Variants in EBF1 observed in about 807,000 individuals in gnomAD.
The protein encoded by EBF1 is EBF transcription factor 1, also known as transcription factor COE1.
Under a neutral mutation model 68.4 loss-of-function variants are expected in EBF1, and 10 were observed. The observed-to-expected ratio is 0.15, with a 90% confidence interval of 0.09 to 0.25. EBF1 has a LOEUF of 0.25. Ranked by LOEUF, EBF1 falls within the 10% of genes least tolerant of loss-of-function variation. The pLI is 1.00. For missense variants in EBF1, 509 were observed against 794.4 expected, an observed-to-expected ratio of 0.64 and a Z score of 4.32; for synonymous variants, 298 against 299.8, an observed-to-expected ratio of 0.99 and a Z score of 0.06.
chr5:159,052,304 C>T (rs1311387119), intron 6 of EBF1, among the ~76,000 whole-genome samples: 1 of 147,350 alleles, frequency 6.8e-6, no homozygotes, highest in East Asian at 2.1e-4. Flanking sequence ...AAACACTACA[C>T]GTGAAAACTA....
At chr5:158,926,759 AG>A (rs1360051507) in intron 6 of EBF1, among the ~76,000 whole-genome samples, 1 of 151,992 alleles carries the variant, frequency 6.6e-6, no homozygotes, top group Non-Finnish European at 1.5e-5. Context: ...AAAAAGAAAA[AG>A]AAAGAAAGAA....
At chr5:158,990,058 C>A (rs915103607) in intron 6 of EBF1, among the ~76,000 whole-genome samples, 2 of 152,166 alleles carry the variant, frequency 1.3e-5, no homozygotes, top group African/African-American at 4.8e-5. Flanking sequence ...AGAGACGGAT[C>A]AGGAAGCTTC....
chr5:158,918,380 A>G (rs981822470), intron 6 of EBF1, among the ~76,000 whole-genome samples: 1 of 152,204 alleles, frequency 6.6e-6, no homozygotes, highest in Non-Finnish European at 1.5e-5. Flanking sequence ...ACCCAACTTT[A>G]TAGAAACAGA....
intron 6 of EBF1, among the ~76,000 whole-genome samples, chr5:158,880,664 G>C (rs1036150265): frequency 6.6e-6 from 1 of 152,196 alleles, no homozygotes; most frequent in Non-Finnish European, 1.5e-5. Context: ...CCGGCCAACA[G>C]ATGGCAGCTG....
intron 6 of EBF1, among the ~76,000 whole-genome samples, chr5:158,872,218 A>G (rs1447187859): frequency 2.7e-5 from 4 of 147,268 alleles, no homozygotes; most frequent in Admixed American, 2.0e-4. Context: ...TTTTTTTGAG[A>G]TGGAGCCTCA....
chr5:158,731,014 C>A, intron 11 of EBF1, 55 bp downstream of exon 11: 3 of 1,535,026 alleles, frequency 2.0e-6, no homozygotes, highest in Non-Finnish European at 2.7e-6. Flanking sequence ...GCAGAGTTTT[C>A]TGCAAATCGC....
intron 6 of EBF1, among the ~76,000 whole-genome samples, chr5:159,008,770 G>T (rs539847639): frequency 6.6e-6 from 1 of 152,068 alleles, no homozygotes; most frequent in Non-Finnish European, 1.5e-5. Context: ...CTCCTGACCT[G>T]ACGTGATTCG....
intron 6 of EBF1, among the ~76,000 whole-genome samples, chr5:158,997,370 C>A (rs1269013524): frequency 1.3e-5 from 2 of 152,170 alleles, no homozygotes; most frequent in Non-Finnish European, 2.9e-5. Context: ...CGAATAAATA[C>A]TTCACATTCT....
At chr5:158,868,748 G>C (rs1433272194) in intron 6 of EBF1, among the ~76,000 whole-genome samples, 1 of 152,170 alleles carries the variant, frequency 6.6e-6, no homozygotes, top group African/African-American at 2.4e-5. Flanking sequence ...CAATTTTCAT[G>C]CAGTGAAGAT....
chr5:158,717,258 T>C (rs1468118980), intron 11 of EBF1, among the ~76,000 whole-genome samples: 1 of 152,230 alleles, frequency 6.6e-6, no homozygotes, highest in Non-Finnish European at 1.5e-5. Context: ...TGCAGTTTTA[T>C]ATGGTAATTT....
chr5:158,922,268 C>T (rs1182241976), intron 6 of EBF1, among the ~76,000 whole-genome samples: 1 of 152,188 alleles, frequency 6.6e-6, no homozygotes, highest in African/African-American at 2.4e-5. Context: ...TCCCCAAAAG[C>T]AACTTTCTAC....
intron 6 of EBF1, among the ~76,000 whole-genome samples, chr5:158,967,927 G>A (rs1169093755): frequency 6.6e-6 from 1 of 152,202 alleles, no homozygotes; most frequent in African/African-American, 2.4e-5. Context: ...GAGAACAATG[G>A]CTTAGTATCT....
intron 7 of EBF1, among the ~76,000 whole-genome samples, chr5:158,838,848 G>T (rs1314141363): frequency 2.0e-5 from 3 of 151,770 alleles, no homozygotes; most frequent in African/African-American, 7.3e-5. Flanking sequence ...TAAATGGATC[G>T]TTGCTCTGAC....
chr5:158,778,695 A>C (rs1191087956), intron 9 of EBF1, among the ~76,000 whole-genome samples: 1 of 152,180 alleles, frequency 6.6e-6, no homozygotes, highest in Non-Finnish European at 1.5e-5. Context: ...CCTAGGGAAA[A>C]TAATTTGAGA....
intron 6 of EBF1, among the ~76,000 whole-genome samples, chr5:158,925,063 A>G (rs994447543): frequency 6.6e-6 from 1 of 151,856 alleles, no homozygotes; most frequent in Admixed American, 6.6e-5. Context: ...ACTCACCCCA[A>G]TCTCAGGGCC....
intron 10 of EBF1, among the ~76,000 whole-genome samples, chr5:158,749,232 G>A (rs149375576): frequency 3.1e-4 from 47 of 152,188 alleles, no homozygotes; most frequent in East Asian, 1.5e-3. Context: ...AGACAGAAGC[G>A]TATTTAAGTT....
In EBF1 at chr5:158,906,207, C is replaced by T. The variant is rs544982606; in HGVS notation, c.555-66097G>A. 2.8e-3 allele frequency among the ~76,000 whole-genome samples: 420 copies of T among 149,806 alleles called. 1 individual carries two copies. Among genetic ancestry groups the T allele is most frequent in the Non-Finnish European group, 4.1e-3 (278 of 67,720 alleles). On this transcript the variant is annotated intron_variant, in intron 6 of 15. Coordinates refer to ENST00000313708, the MANE Select transcript of EBF1 (RefSeq NM_024007.5). Reference sequence around the variant, plus strand: ...ATGAGTGTTGTCTTGTGTTCATTCTCTACAAGAATGTTGTAAGTGACAGTT... The same window carrying T: ...ATGAGTGTTGTCTTGTGTTCATTCTTTACAAGAATGTTGTAAGTGACAGTT...
At chr5:158,866,536 C>A (rs1278797930) in intron 6 of EBF1, among the ~76,000 whole-genome samples, 1 of 151,966 alleles carries the variant, frequency 6.6e-6, no homozygotes, top group East Asian at 1.9e-4. Context: ...GGGGGAAATG[C>A]AGGAGCCAGT....
At chr5:159,060,943 C>CACAA (rs1303739640) in intron 6 of EBF1, among the ~76,000 whole-genome samples, 15 of 136,592 alleles carry the variant, frequency 1.1e-4, no homozygotes, top group African/African-American at 3.8e-4. Flanking sequence ...TACACACACA[C>CACAA]ACACACACAC....
Sources: gnomAD v4.1 joint callset for allele counts (sites outside exome capture counted in the v4.1 genomes callset) on GRCh38, gnomAD v4.1.1 for gene constraint, MANE v1.5 for transcripts, NCBI Gene and HGNC (gene_info 2026-07-23, HGNC 2026-07-21) for gene names.